B4GALT6: variants seen among roughly 807,000 people sequenced by gnomAD.
B4GALT6 encodes UDP-Gal:beta-GlcNAc beta-1,4-galactosyltransferase 6.
In B4GALT6, 14 loss-of-function variants were observed where a neutral mutation model predicts 46.3. The observed-to-expected ratio is 0.30, with a 90% CI of 0.20 to 0.47. The LOEUF (loss-of-function observed/expected upper bound fraction) is 0.47, where lower values mean the gene tolerates loss of function less well. B4GALT6 is among the 20% of genes least tolerant of loss of function. B4GALT6 has a pLI of 0.99. For missense variants in B4GALT6, 386 were observed against 480.1 expected (o/e 0.80, Z 1.83); for synonymous variants, 168 against 162.0 (o/e 1.04, Z -0.28).
the B4GALT6 span, chr18:31,718,901 G>C: frequency 1.3e-5 from 2 of 152,190 alleles, no homozygotes; most frequent in African/African-American, 4.8e-5. Flanking sequence ...GGGAATGTGA[G>C]GGTTATCTGG....
chr18:31,669,676 T>C (rs191667026), intron 1 of B4GALT6, among the ~76,000 whole-genome samples: 37 of 152,198 alleles, frequency 2.4e-4, no homozygotes, highest in Middle Eastern at 3.4e-3. Flanking sequence ...AAATGTTCAA[T>C]AGAAGACAAG....
rs1195517176 is a variant in B4GALT6 at position 31,630,809 on chromosome 18, T to C, written c.776+150A>G. 6.2e-6 allele frequency: 5 copies of C among 808,286 alleles called. No homozygotes were observed. In the African/African-American group the frequency reaches 8.8e-5, roughly 14 times the overall value. 50.1% of individuals were successfully genotyped at this position (808,286 alleles called of 1,614,324 possible). On this transcript the variant is annotated intron_variant, in intron 6 of 8. Coordinates refer to ENST00000306851, the MANE Select transcript of B4GALT6 (RefSeq NM_004775.5). ...GGGAACGAAAAGCCACTCTGTGTCC[T>C]GGCTCCCCAGGAGGACACGATGGAG...
intron 2 of B4GALT6, among the ~76,000 whole-genome samples, chr18:31,661,944 T>C (rs1329719155): frequency 6.6e-6 from 1 of 152,260 alleles, no homozygotes; most frequent in Non-Finnish European, 1.5e-5. Context: ...TCATTAATGC[T>C]TGGGCTCCTT....
Position 31,684,340 on chromosome 18 carries a change from C to T in B4GALT6, c.87G>A (p.Leu29=). Residue 29 remains leucine, a synonymous_variant, in exon 1 of 9, where the codon CTG becomes CTA. Transcript: ENST00000306851. ...TGCCTGGGGCCACATAGATGAAGTA[C>T]AGACAGGACGAAGAGAGGGAGAAGA... ...IFFFSLSSSC[L]YFIYVAPGIA... 1 of 1,613,636 alleles carries T rather than the reference C, an allele frequency of 6.2e-7. No individual in the cohort carries two copies. Among genetic ancestry groups the T allele is most frequent in the Non-Finnish European group, 8.5e-7 (1 of 1,179,834 alleles).
intron 3 of B4GALT6, among the ~76,000 whole-genome samples, chr18:31,655,994 T>C (rs1196687763): frequency 6.6e-6 from 1 of 152,122 alleles, no homozygotes; most frequent in East Asian, 1.9e-4. Context: ...CAGCATCACC[T>C]TGCGGGATTT....
intron 5 of B4GALT6, among the ~76,000 whole-genome samples, chr18:31,634,546 C>T (rs1432575651): frequency 6.6e-6 from 1 of 152,130 alleles, no homozygotes; most frequent in East Asian, 1.9e-4. Context: ...CTGACTTAAC[C>T]GAAACGTGTG....
At chr18:31,693,983 T>C in the B4GALT6 span, among the ~76,000 whole-genome samples, 1 of 152,140 alleles carries the variant, frequency 6.6e-6, no homozygotes, top group Admixed American at 6.5e-5. Context: ...AATACATAAA[T>C]AAGTAATGAA....
chr18:31,724,201 G>C, the B4GALT6 span: 1 of 274,100 alleles, frequency 3.6e-6, no homozygotes, highest in African/African-American at 2.2e-5. Flanking sequence ...GGTTGCCAGG[G>C]GCGCCAGCGT....
At chr18:31,667,226 G>A (rs771311470) in intron 1 of B4GALT6, among the ~76,000 whole-genome samples, 5 of 152,064 alleles carry the variant, frequency 3.3e-5, no homozygotes, top group African/African-American at 4.8e-5. Context: ...CAGTTTCCTC[G>A]TTTTCACAAG....
chr18:31,721,238 T>C, the B4GALT6 span, among the ~76,000 whole-genome samples: 6,075 of 152,048 alleles, frequency 0.04, 173 homozygotes, highest in South Asian at 0.067. Context: ...CTAATATAAA[T>C]GACGAGTTGA....
intron 1 of B4GALT6, among the ~76,000 whole-genome samples, chr18:31,673,062 G>C (rs2074374510): frequency 6.6e-6 from 1 of 152,154 alleles, no homozygotes; most frequent in South Asian, 2.1e-4. Context: ...CATGTCAGCA[G>C]CCTGAGTGGA....
At chr18:31,664,904 T>C (rs1004786860) in intron 2 of B4GALT6, among the ~76,000 whole-genome samples, 1 of 152,198 alleles carries the variant, frequency 6.6e-6, no homozygotes, top group African/African-American at 2.4e-5. Flanking sequence ...GCAGTTCTTC[T>C]AAAAAAATTC....
intron 1 of B4GALT6, among the ~76,000 whole-genome samples, chr18:31,676,903 A>G (rs547680734): frequency 2.6e-5 from 4 of 152,344 alleles, no homozygotes; most frequent in Non-Finnish European, 5.9e-5. Context: ...TTCATATTTG[A>G]AAACTATTTC....
At chr18:31,657,543 G>A (rs1194360153) in intron 3 of B4GALT6, among the ~76,000 whole-genome samples, 1 of 152,196 alleles carries the variant, frequency 6.6e-6, no homozygotes, top group African/African-American at 2.4e-5. Context: ...ACTCTCAGTA[G>A]AGGTGAGGTT....
At chr18:31,644,185 CT>C (rs1465439113) in intron 4 of B4GALT6, among the ~76,000 whole-genome samples, 6 of 152,178 alleles carry the variant, frequency 3.9e-5, no homozygotes, top group Admixed American at 3.9e-4. Context: ...AGCTTCACAA[CT>C]TGTTCAAGGC....
chr18:31,673,932 A>G (rs1324938338), intron 1 of B4GALT6, among the ~76,000 whole-genome samples: 1 of 152,018 alleles, frequency 6.6e-6, no homozygotes. Flanking sequence ...ACAGACACAC[A>G]CACACAGACA....
the B4GALT6 span, among the ~76,000 whole-genome samples, chr18:31,692,954 A>G: frequency 6.6e-6 from 1 of 152,184 alleles, no homozygotes; most frequent in Admixed American, 6.5e-5. Flanking sequence ...TAATATAGGT[A>G]TTGTACTTAA....
chr18:31,657,501 C>T (rs1252224377), intron 3 of B4GALT6, among the ~76,000 whole-genome samples: 1 of 152,118 alleles, frequency 6.6e-6, no homozygotes, highest in Non-Finnish European at 1.5e-5. Context: ...ATGTAGAAAA[C>T]AATTTTCATA....
At chr18:31,724,523 A>G in the B4GALT6 span, 2 of 1,012,184 alleles carry the variant, frequency 2.0e-6, no homozygotes, top group Admixed American at 1.2e-4. Flanking sequence ...CCCAGACGTC[A>G]GCTCCGCTTC....
Sources: gnomAD v4.1 joint callset for allele counts (sites outside exome capture counted in the v4.1 genomes callset) on GRCh38, gnomAD v4.1.1 for gene constraint, MANE v1.5 for transcripts, NCBI Gene and HGNC (gene_info 2026-07-23, HGNC 2026-07-21) for gene names.